Variants in OXNAD1 observed in about 807,000 individuals in gnomAD.
OXNAD1 encodes oxidoreductase NAD binding domain containing 1, also known as oxidoreductase NAD-binding domain-containing protein 1.
A neutral mutation model predicts 32.9 loss-of-function variants in OXNAD1; 34 were observed. That is an observed-to-expected ratio of 1.03 (90% CI 0.79 to 1.38). The LOEUF is 1.38. Among genes scored for constraint, OXNAD1 ranks in the 40% most tolerant of loss-of-function variants. The pLI is 0.00. For synonymous variants in OXNAD1, 134 were observed against 135.2 expected (o/e 0.99, Z 0.06); for missense variants, 407 against 379.4 (o/e 1.07, Z -0.60).
At position 16,321,308 on chromosome 3, in the gene OXNAD1, G is replaced by C. The variant is rs895420732; in HGVS notation, c.*31-15804G>C. On this transcript the variant is annotated intron_variant, in intron 9 of 9. Transcript: ENST00000435829. This position sits in a 1 kb window ranked among gnomAD's most constrained non-coding sequence, Gnocchi z 4.8. ...AGGAGATTTTCTAAGGAAGAGGCAA[G>C]AGTGAAGGGAGAAATGGGGCTGGGT... Among the ~76,000 whole-genome samples the C allele has an allele frequency of 1.3e-5, 2 of 152,186 alleles. No individual in the cohort carries two copies. Among genetic ancestry groups the C allele is most frequent in the Admixed American group, 6.5e-5 (1 of 15,280 alleles).
rs2067326932 is a variant in OXNAD1, at chr3:16,303,455, A to G, written c.832A>G (p.Thr278Ala). Residue 278 changes from threonine to alanine, a missense_variant, in exon 9 of 9, where the codon ACT becomes GCT. Thr to Ala is a moderately conservative substitution (Grantham distance 58). Coordinates refer to ENST00000285083, the MANE Select transcript of OXNAD1 (RefSeq NM_138381.5). This position sits in a 1 kb window ranked among gnomAD's most constrained non-coding sequence, Gnocchi z 4.8. Reference protein sequence around the residue: ...KEIRDHISKETLFYICGPPPM... With the variant: ...KEIRDHISKEALFYICGPPPM... ...GATAAGAGATCATATTTCAAAAGAG[A>G]CTTTGTTCTATATTTGTGGCCCACC... 1 of 1,613,916 alleles carries G rather than the reference A, an allele frequency of 6.2e-7. No homozygotes were observed. Among genetic ancestry groups the G allele is most frequent in the Non-Finnish European group, 8.5e-7 (1 of 1,179,940 alleles).
At chr3:16,300,993 C>T (rs2067142138) in intron 6 of OXNAD1, among the ~76,000 whole-genome samples, 3 of 152,276 alleles carry the variant, frequency 2.0e-5, no homozygotes, top group African/African-American at 7.2e-5. Flanking sequence ...AGTGACCTCA[C>T]CAAATAGGTG....
In OXNAD1 at chr3:16,295,128, TA is replaced by T. The variant is rs1312334366; in HGVS notation, c.432+133del. The T allele has an allele frequency of 2.6e-6, 3 of 1,141,862 alleles. No homozygotes were observed. The African/African-American group carries it at 4.8e-5, about 18-fold the overall frequency. 70.7% of individuals were successfully genotyped at this position (1,141,862 alleles called of 1,614,324 possible). On this transcript the variant is annotated intron_variant, in intron 6 of 8. Transcript: ENST00000285083. ...AGGGTACATGCCCAGAAAGAGCTTC[TA>T]AGAAAGGTCAAAGAAACTTTGATGC... is the stretch of plus-strand genomic sequence containing the variant.
chr3:16,317,650 A>G lies in OXNAD1; in HGVS notation c.*30+14058A>G, dbSNP rs2068559516. On this transcript the variant is annotated intron_variant, in intron 9 of 9. Coordinates refer to the OXNAD1 transcript ENST00000435829. This position sits in a 1 kb window ranked among gnomAD's most constrained non-coding sequence, Gnocchi z 4.3. ...CTGAGCAGGCTGAGGATTACCAGGC[A>G]CGGGGCTGGCATTCTCTCACTAGGT... 6.6e-6 allele frequency among the ~76,000 whole-genome samples: 1 copy of G among 152,190 alleles called. No homozygotes were observed. Among genetic ancestry groups the G allele is most frequent in the Non-Finnish European group, 1.5e-5 (1 of 68,044 alleles).
chr3:16,294,848 C>A lies in OXNAD1; in HGVS notation c.291-8C>A, dbSNP rs995489467. ...CAACAATAATCATTTATTTGGCTTT[C>A]TTTTTAGGGTTGATTTCTTTATTCC... On this transcript the variant is annotated splice_polypyrimidine_tract_variant and splice_region_variant and intron_variant, in intron 5 of 8. Transcript: ENST00000285083. 6.3e-7 allele frequency: 1 copy of A among 1,580,926 alleles called. No individual in the cohort carries two copies. The highest frequency in any genetic ancestry group is 8.6e-7 in the Non-Finnish European group (1 of 1,163,650).
At position 16,302,345 on chromosome 3, in the gene OXNAD1, A is replaced by G. The variant is rs1210112028; in HGVS notation, c.676-295A>G. On this transcript the variant is annotated intron_variant, in intron 7 of 8. Transcript: ENST00000285083. The surrounding 1 kb of genome is among the most constrained non-coding windows in gnomAD (Gnocchi z 4.2). ...AGAACAGAAACAGTTAAAAGACACA[A>G]CTGTGGTCAGTGAAACTGCTGCTTA... 6.6e-6 allele frequency among the ~76,000 whole-genome samples: 1 copy of G among 152,228 alleles called. No homozygotes were observed.
intron 4 of OXNAD1, among the ~76,000 whole-genome samples, chr3:16,282,783 G>A (rs988390181): frequency 1.3e-5 from 2 of 149,534 alleles, no homozygotes; most frequent in African/African-American, 4.9e-5. Context: ...GATCCAGGAG[G>A]AGTCCCAAGT....
In OXNAD1 at chr3:16,312,385, CAG is replaced by C. The variant is rs2068037643; in HGVS notation, c.*30+8794_*30+8795del. Among the ~76,000 whole-genome samples, 1 of 152,212 alleles carries C rather than the reference CAG, an allele frequency of 6.6e-6. No homozygotes were observed. Among genetic ancestry groups the C allele is most frequent in the African/African-American group, 2.4e-5 (1 of 41,446 alleles). On this transcript the variant is annotated intron_variant, in intron 9 of 9. Transcript: ENST00000435829. This position sits in a 1 kb window ranked among gnomAD's most constrained non-coding sequence, Gnocchi z 4.7. The stretch of plus-strand genomic sequence containing the variant: ...CTGCACTACTCACGCAGTTGGCCTC[CAG>C]CACTTCCAGCAGGGCTCTTGGAAAC...
At position 16,284,325 on chromosome 3, in the gene OXNAD1, C is replaced by T. The variant is rs2125035103; in HGVS notation, c.184-2017C>T. 1.3e-5 allele frequency among the ~76,000 whole-genome samples: 2 copies of T among 152,226 alleles called. 1 individual carries two copies. Among genetic ancestry groups the T allele is most frequent in the Middle Eastern group, 6.8e-3 (2 of 294 alleles). The stretch of plus-strand genomic sequence containing the variant: ...GACAATGAAATACAGTCATGTGTTG[C>T]CTGCTGACGGGGATGTTTTGATAAA... On this transcript the variant is annotated intron_variant, in intron 4 of 8. Transcript: ENST00000285083. The surrounding 1 kb of genome is among the most constrained non-coding windows in gnomAD (Gnocchi z 4.1).
At chr3:16,338,693 T>C (rs2071090210), downstream of OXNAD1, among the ~76,000 whole-genome samples, 1 of 152,272 alleles carries the variant, frequency 6.6e-6, no homozygotes, top group South Asian at 2.1e-4. The surrounding 1 kb of genome is among the most constrained non-coding windows in gnomAD (Gnocchi z 5.3). Context: ...TTACTCTCTT[T>C]AGACTATCAG....
rs532057318 is a variant in OXNAD1 at position 16,345,829 on chromosome 3, T to G, written c.*31-3347T>G. Among the ~76,000 whole-genome samples, 1 of 69,826 alleles carries G rather than the reference T, an allele frequency of 1.4e-5. No individual in the cohort carries two copies. Among genetic ancestry groups the G allele is most frequent in the Admixed American group, 1.2e-4 (1 of 8,392 alleles). The allele number at this position is 69,826 out of a possible 152,430, so 45.8% of individuals were successfully genotyped here. A position where few individuals can be genotyped will look rare whatever the true frequency, so the allele number is the denominator to read the frequency against. On this transcript the variant is annotated intron_variant, in intron 9 of 9. Coordinates refer to the OXNAD1 transcript ENST00000606098. This position sits in a 1 kb window ranked among gnomAD's most constrained non-coding sequence, Gnocchi z 5.2. ...GTGTGTGTGTGTGTGCGCGCGCGCG[T>G]GCGCGCACGCGCACATGTGCATGTG...
rs1360017264 is a variant in OXNAD1 at position 16,299,892 on chromosome 3, A to G, written c.433-1734A>G. 6.6e-6 allele frequency among the ~76,000 whole-genome samples: 1 copy of G among 152,228 alleles called. No individual in the cohort carries two copies. The highest frequency in any genetic ancestry group is 6.5e-5 in the Admixed American group (1 of 15,282). On this transcript the variant is annotated intron_variant, in intron 6 of 8. Coordinates refer to ENST00000285083, the MANE Select transcript of OXNAD1 (RefSeq NM_138381.5). The surrounding 1 kb of genome is among the most constrained non-coding windows in gnomAD (Gnocchi z 4.4). ...CACTTTTTCTTTTGTGACAGCTGCA[A>G]TGACCAAAATTCCTTCTTATGTAGA...
rs776963291 is a variant in OXNAD1, at chr3:16,302,638, A to G, written c.676-2A>G. The G allele has an allele frequency of 6.2e-7, 1 of 1,603,142 alleles. No individual in the cohort carries two copies. The highest frequency in any genetic ancestry group is 1.1e-5 in the South Asian group (1 of 90,286). On this transcript the variant is annotated splice_acceptor_variant, in intron 7 of 8. Coordinates refer to ENST00000285083, the MANE Select transcript of OXNAD1 (RefSeq NM_138381.5). LOFTEE classifies it high-confidence loss of function. This position sits in a 1 kb window ranked among gnomAD's most constrained non-coding sequence, Gnocchi z 4.2. ...TGTGACCAAATATGTTTGACATTCCAGAAAAATATCCTTGATTTAGTAAAT... is the reference window on the plus strand; with the variant it reads ...TGTGACCAAATATGTTTGACATTCCGGAAAAATATCCTTGATTTAGTAAAT...
Position 16,321,612 on chromosome 3 carries a change from C to T in OXNAD1, c.*31-15500C>T, listed in dbSNP as rs1453090296. Among the ~76,000 whole-genome samples the T allele has an allele frequency of 6.6e-6, 1 of 152,194 alleles. No individual in the cohort carries two copies. Among genetic ancestry groups the T allele is most frequent in the Non-Finnish European group, 1.5e-5 (1 of 68,022 alleles). ...GCCCCCCTCTCTGGAGGACTCCCATCTGTGAGGTGACCCAGAGGGTCTTGT... is the reference window on the plus strand; with the variant it reads ...GCCCCCCTCTCTGGAGGACTCCCATTTGTGAGGTGACCCAGAGGGTCTTGT... On this transcript the variant is annotated intron_variant, in intron 9 of 9. Transcript: ENST00000435829. This position sits in a 1 kb window ranked among gnomAD's most constrained non-coding sequence, Gnocchi z 4.8.
chr3:16,339,157 T>G (rs564144550), downstream of OXNAD1, among the ~76,000 whole-genome samples: 69 of 152,294 alleles, frequency 4.5e-4, no homozygotes, highest in African/African-American at 1.6e-3. Context: ...TCCCTAACTT[T>G]CTCTGCCTGG....
rs1203463448 is a variant in OXNAD1 at position 16,305,145 on chromosome 3, G to C, written c.*1583G>C. Reference sequence around the variant, plus strand: ...GGCATAGGAGCATGATGAGATGCAAGGATGTGGGATTATCAAGGGGCACGT... The same window carrying C: ...GGCATAGGAGCATGATGAGATGCAACGATGTGGGATTATCAAGGGGCACGT... On this transcript the variant is annotated 3_prime_UTR_variant, in exon 9 of 9. Coordinates refer to ENST00000285083, the MANE Select transcript of OXNAD1 (RefSeq NM_138381.5). The surrounding 1 kb of genome is among the most constrained non-coding windows in gnomAD (Gnocchi z 4.5). The C allele has an allele frequency of 2.0e-5, 3 of 152,312 alleles. No individual in the cohort carries two copies. Among genetic ancestry groups the C allele is most frequent in the Non-Finnish European group, 4.4e-5 (3 of 68,132 alleles). 9.4% of individuals were successfully genotyped at this position (152,312 alleles called of 1,614,324 possible).
chr3:16,351,089 A>G (rs1417971511), downstream of OXNAD1, among the ~76,000 whole-genome samples: 1 of 152,230 alleles, frequency 6.6e-6, no homozygotes, highest in Non-Finnish European at 1.5e-5. The surrounding 1 kb of genome is among the most constrained non-coding windows in gnomAD (Gnocchi z 5.4). Context: ...ATTATGAGAC[A>G]GGGTTACAGG....
chr3:16,274,790 T>C (rs2124993749), intron 4 of OXNAD1, among the ~76,000 whole-genome samples: 2 of 152,372 alleles, frequency 1.3e-5, no homozygotes, highest in Middle Eastern at 6.8e-3. Context: ...TGTTCTTTCA[T>C]GTTATGACCG....
rs1323332523 is a variant in OXNAD1, at chr3:16,298,471, T to C, written c.433-3155T>C. Reference sequence around the variant, plus strand: ...GCTGTAGAAAATCTCAAAGTGTTATTGCCTGAATGCACATCCTAATTGTAG... The same window carrying C: ...GCTGTAGAAAATCTCAAAGTGTTATCGCCTGAATGCACATCCTAATTGTAG... On this transcript the variant is annotated intron_variant, in intron 6 of 8. Transcript: ENST00000285083. This position sits in a 1 kb window ranked among gnomAD's most constrained non-coding sequence, Gnocchi z 5.1. Among the ~76,000 whole-genome samples, 1 of 152,194 alleles carries C rather than the reference T, an allele frequency of 6.6e-6. No homozygotes were observed. The highest frequency in any genetic ancestry group is 1.5e-5 in the Non-Finnish European group (1 of 68,030).
Sources: allele counts gnomAD v4.1 joint callset (sites outside exome capture counted in the v4.1 genomes callset), GRCh38; gene constraint gnomAD v4.1.1; non-coding constraint Gnocchi (gnomAD v3.1); transcripts MANE v1.5; gene names NCBI Gene and HGNC (gene_info 2026-07-23, HGNC 2026-07-21).